The following F8 variants were observed in gnomAD, a reference collection of about 807,000 sequenced individuals.
F8 encodes the protein antihemophilic factor.
A neutral mutation model predicts 140.6 loss-of-function variants in F8; 12 were observed. The ratio of observed to expected loss-of-function variants is 0.09; its 90% CI spans 0.05 to 0.14. The LOEUF (loss-of-function observed/expected upper bound fraction) is 0.14. F8 is among the 10% of genes least tolerant of loss of function. The pLI is 1.00. For synonymous variants in F8, 585 were observed against 614.6 expected (o/e 0.95, Z 0.71); for missense variants, 1,354 against 1,720.7 (o/e 0.79, Z 3.77).
intron 25 of F8, among the ~76,000 whole-genome samples, chrX:154,850,449 T>C (rs1415407283): frequency 5.7e-5 from 6 of 105,978 alleles, no homozygotes; most frequent in African/African-American, 1.7e-4. Flanking sequence ...TTCTTTTTTT[T>C]TTTCTTTTCC....
chrX:154,911,892 G>A (rs1276274419), intron 14 of F8, among the ~76,000 whole-genome samples: 3 of 112,295 alleles, frequency 2.7e-5, no homozygotes, highest in Admixed American at 9.4e-5. Context: ...TTTGATAAAA[G>A]TCATTTAACT....
At chrX:155,002,404 T>G (rs1227467106) in intron 1 of F8, among the ~76,000 whole-genome samples, 1 of 111,859 alleles carries the variant, frequency 8.9e-6, no homozygotes, top group Non-Finnish European at 1.9e-5. Flanking sequence ...GAGAATAGCA[T>G]GTGAATTGGT....
chrX:154,917,467 T>C (rs1227832407), intron 14 of F8, among the ~76,000 whole-genome samples: 2 of 112,131 alleles, frequency 1.8e-5, no homozygotes, highest in Non-Finnish European at 3.8e-5. Flanking sequence ...AGCCTTCCTA[T>C]AACTGGATAC....
At chrX:155,009,401 G>A (rs1184564274) in intron 1 of F8, among the ~76,000 whole-genome samples, 1 of 110,869 alleles carries the variant, frequency 9.0e-6, no homozygotes, top group Non-Finnish European at 1.9e-5. Context: ...TGATTTCTAA[G>A]GTATTTCAAC....
At chrX:154,846,456 T>A (rs2072566991) in intron 25 of F8, among the ~76,000 whole-genome samples, 1 of 111,898 alleles carries the variant, frequency 8.9e-6, no homozygotes, top group Non-Finnish European at 1.9e-5. Flanking sequence ...GCTTTATGAA[T>A]CTGGGTGCTC....
At chrX:154,869,511 C>A (rs782686455) in intron 22 of F8, among the ~76,000 whole-genome samples, 3 of 111,721 alleles carry the variant, frequency 2.7e-5, no homozygotes, top group Non-Finnish European at 5.6e-5. Flanking sequence ...AATGAAGACA[C>A]AGCGTACCAG....
intron 18 of F8, 126 bp from the exon 19 acceptor site, chrX:154,902,293 C>T (rs2073014270): frequency 1.8e-6 from 1 of 543,760 alleles, no homozygotes; most frequent in African/African-American, 2.3e-5. Context: ...TTTTGGACCC[C>T]TCAAATGCAA....
At chrX:154,902,277 C>T in intron 18 of F8, 110 bp from the exon 19 acceptor site, 4 of 599,676 alleles carry the variant, frequency 6.7e-6, no homozygotes, top group Non-Finnish European at 1.1e-5. Context: ...TTGGTAGTTC[C>T]ACTACTTTTG....
At chrX:154,895,383 C>T (rs890276214) in intron 22 of F8, among the ~76,000 whole-genome samples, 1 of 111,787 alleles carries the variant, frequency 8.9e-6, no homozygotes, top group Non-Finnish European at 1.9e-5. Context: ...TTTAGGCAGG[C>T]GACTGATGAT....
At chrX:154,990,657 G>A (rs1557284577) in intron 4 of F8, among the ~76,000 whole-genome samples, 3 of 111,844 alleles carry the variant, frequency 2.7e-5, no homozygotes, top group Non-Finnish European at 5.6e-5. Flanking sequence ...CATAATTAAT[G>A]AGAAAGTGCC....
chrX:154,845,795 A>C (rs2072561418), intron 25 of F8, among the ~76,000 whole-genome samples: 1 of 111,082 alleles, frequency 9.0e-6, no homozygotes, highest in Admixed American at 9.6e-5. Flanking sequence ...TATCTCCTTC[A>C]GTTCTGCTCT....
intron 14 of F8, among the ~76,000 whole-genome samples, chrX:154,927,142 T>C (rs1264293119): frequency 9.0e-6 from 1 of 111,554 alleles, no homozygotes; most frequent in Non-Finnish European, 1.9e-5. Context: ...AATGTAAAGA[T>C]CAATAATGAC....
chrX:154,940,398 T>C (rs918791285), intron 13 of F8, among the ~76,000 whole-genome samples: 27 of 111,675 alleles, frequency 2.4e-4, no homozygotes, highest in Non-Finnish European at 3.8e-4. Context: ...TGCGATCAAC[T>C]GGAAGAAAGG....
At chrX:154,862,033 TTTTG>T (rs1350467649) in intron 23 of F8, among the ~76,000 whole-genome samples, 167 bp from the exon 24 acceptor site, 1 of 111,115 alleles carries the variant, frequency 9.0e-6, no homozygotes, top group African/African-American at 3.3e-5. Context: ...TTTGTTTTGT[TTTTG>T]TTTTTTTGAG....
At chrX:154,932,456 G>C (rs1024774769) in intron 13 of F8, among the ~76,000 whole-genome samples, 2 of 111,778 alleles carry the variant, frequency 1.8e-5, no homozygotes, top group Non-Finnish European at 3.8e-5. Flanking sequence ...CCTTTACCAA[G>C]CTACCCGTTG....
At chrX:154,854,427 C>A (rs1376045565) in intron 25 of F8, among the ~76,000 whole-genome samples, 1 of 112,037 alleles carries the variant, frequency 8.9e-6, no homozygotes, top group Non-Finnish European at 1.9e-5. Flanking sequence ...CAGTTTTTTT[C>A]CTGCCTTTGG....
intron 1 of F8, among the ~76,000 whole-genome samples, chrX:155,013,033 C>A (rs782766544): frequency 8.5e-4 from 90 of 106,498 alleles, no homozygotes; most frequent in South Asian, 2.1e-3. Context: ...GTCGTCCCAG[C>A]TACTCGGGAG....
In F8 at chrX:154,997,067, C is replaced by T. The variant is rs2073621589; in HGVS notation, c.294G>A (p.Glu98=). The T allele has an allele frequency of 8.3e-7, 1 of 1,209,546 alleles. No individual in the cohort carries two copies. The highest frequency in any genetic ancestry group is 1.1e-6 in the Non-Finnish European group (1 of 894,850). The change falls in exon 3 of 26, where the codon GAG becomes GAA. Residue 98 remains glutamate (E), a synonymous_variant. Transcript: ENST00000360256. The part of the protein sequence containing the change: ...MGLLGPTIQA[E]VYDTVVITLK... Reference sequence around the variant, plus strand: ...GTGTAATGACCACTGTATCATAAACCTCAGCCTGGATGGTAGGACCTAGCA... The same window carrying T: ...GTGTAATGACCACTGTATCATAAACTTCAGCCTGGATGGTAGGACCTAGCA...
At chrX:154,986,464 AT>A (rs1482181373) in intron 5 of F8, among the ~76,000 whole-genome samples, 7 of 109,568 alleles carry the variant, frequency 6.4e-5, no homozygotes, top group Admixed American at 2.0e-4. Context: ...TGATTTTTTA[AT>A]TCTTTTGTAG....
Sources: allele counts gnomAD v4.1 joint callset (sites outside exome capture counted in the v4.1 genomes callset), GRCh38; gene constraint gnomAD v4.1.1; transcripts MANE v1.5; gene names NCBI Gene and HGNC (gene_info 2026-07-23, HGNC 2026-07-21).